Variants in TNFSF4 observed in about 807,000 individuals in gnomAD.
TNFSF4 encodes the protein TNF superfamily member 4, also known as tumor necrosis factor ligand superfamily member 4.
In TNFSF4, 4 loss-of-function variants were observed where a neutral mutation model predicts 7.3. The observed-to-expected ratio is 0.55, with a 90% CI of 0.27 to 1.25. The LOEUF (loss-of-function observed/expected upper bound fraction) is 1.25. TNFSF4 is among the 50% of genes most tolerant of loss of function. The pLI is 0.12. For synonymous variants in TNFSF4, 76 were observed against 83.7 expected (o/e 0.91, Z 0.50); for missense variants, 181 against 208.8 (o/e 0.87, Z 0.82).
the TNFSF4 span, among the ~76,000 whole-genome samples, chr1:173,223,706 C>T: frequency 6.6e-6 from 1 of 152,170 alleles, no homozygotes; most frequent in Non-Finnish European, 1.5e-5. Flanking sequence ...TCTTCCTTTT[C>T]CTAGACATAT....
the TNFSF4 span, among the ~76,000 whole-genome samples, chr1:173,228,813 T>G: frequency 6.6e-4 from 101 of 152,178 alleles, 3 homozygotes; most frequent in South Asian, 0.02. Context: ...TTCAATCAAC[T>G]GGAAGAAAGG....
At chr1:173,347,180 G>A in the TNFSF4 span, among the ~76,000 whole-genome samples, 1 of 152,200 alleles carries the variant, frequency 6.6e-6, no homozygotes, top group Non-Finnish European at 1.5e-5. Context: ...CTATCTCCTT[G>A]AATGATTCCA....
At chr1:173,190,294 G>A (rs1045512443) in intron 1 of TNFSF4, among the ~76,000 whole-genome samples, 2 of 152,168 alleles carry the variant, frequency 1.3e-5, no homozygotes, top group Non-Finnish European at 1.5e-5. Flanking sequence ...ATGTGAAGAC[G>A]GATTTGTTTT....
At chr1:173,211,789 T>C (rs542697231), upstream of TNFSF4, among the ~76,000 whole-genome samples, 15 of 152,206 alleles carry the variant, frequency 9.9e-5, no homozygotes, top group South Asian at 2.1e-4. Context: ...AGATTGTTGA[T>C]AGGATCAGTG....
the TNFSF4 span, among the ~76,000 whole-genome samples, chr1:173,392,630 A>G: frequency 1.3e-5 from 2 of 152,222 alleles, no homozygotes; most frequent in African/African-American, 2.4e-5. Flanking sequence ...AGGAGAATAT[A>G]TATCTTTCTC....
At chr1:173,328,015 A>G in the TNFSF4 span, among the ~76,000 whole-genome samples, 2 of 152,196 alleles carry the variant, frequency 1.3e-5, no homozygotes. Flanking sequence ...TATATACCCA[A>G]AGGATTATAA....
chr1:173,210,668 A>G (rs142467608), upstream of TNFSF4, among the ~76,000 whole-genome samples: 1,234 of 152,290 alleles, frequency 8.1e-3, 16 homozygotes, highest in African/African-American at 0.028. Flanking sequence ...TAGAATTACA[A>G]AAAAAATCAC....
At chr1:173,351,870 C>T in the TNFSF4 span, 2 of 593,618 alleles carry the variant, frequency 3.4e-6, no homozygotes, top group South Asian at 1.8e-5. Flanking sequence ...TGTAGGCATT[C>T]ACCCCAGCAA....
upstream of TNFSF4, among the ~76,000 whole-genome samples, chr1:173,209,822 C>T (rs1435517737): frequency 6.6e-6 from 1 of 152,104 alleles, no homozygotes; most frequent in Non-Finnish European, 1.5e-5. Context: ...CTTAAAGTAT[C>T]TCACAAATAT....
the TNFSF4 span, among the ~76,000 whole-genome samples, chr1:173,264,459 G>A: frequency 6.6e-6 from 1 of 151,722 alleles, no homozygotes; most frequent in African/African-American, 2.4e-5. Context: ...CTGGCCTTGA[G>A]TTCTTATATT....
chr1:173,210,727 G>GT (rs1332600921), upstream of TNFSF4, among the ~76,000 whole-genome samples: 2 of 130,674 alleles, frequency 1.5e-5, no homozygotes, highest in Non-Finnish European at 3.5e-5. Context: ...AATAATTCTA[G>GT]GGGGGGGAAA....
chr1:173,214,203 C>G, the TNFSF4 span, among the ~76,000 whole-genome samples: 1 of 152,296 alleles, frequency 6.6e-6, no homozygotes, highest in South Asian at 2.1e-4. Flanking sequence ...TATTTTCTCC[C>G]CATTTTACAG....
the TNFSF4 span, among the ~76,000 whole-genome samples, chr1:173,442,545 G>GTTTTTTTTTTTTTTTT: frequency 3.5e-4 from 33 of 93,458 alleles, 6 homozygotes; most frequent in South Asian, 1.6e-3. Context: ...TTTCGTTTTT[G>GTTTTTTTTTTTTTTTT]TTTTTGTTTT....
At chr1:173,432,656 C>T in the TNFSF4 span, among the ~76,000 whole-genome samples, 5 of 151,162 alleles carry the variant, frequency 3.3e-5, no homozygotes, top group Admixed American at 1.3e-4. Context: ...CCCAAGCAGA[C>T]TAATAAACAA....
the TNFSF4 span, among the ~76,000 whole-genome samples, chr1:173,223,951 T>A: frequency 6.6e-6 from 1 of 152,162 alleles, no homozygotes. Context: ...GGGGGTTGCC[T>A]AGGGGATGCC....
At chr1:173,440,983 T>C in the TNFSF4 span, among the ~76,000 whole-genome samples, 2 of 152,192 alleles carry the variant, frequency 1.3e-5, no homozygotes, top group Admixed American at 6.5e-5. Flanking sequence ...GTAGAAAATA[T>C]TCTGATTGTC....
the TNFSF4 span, among the ~76,000 whole-genome samples, chr1:173,244,651 C>CAAA: frequency 7.3e-6 from 1 of 137,288 alleles, no homozygotes; most frequent in African/African-American, 2.9e-5. Context: ...CAAAAAAAAA[C>CAAA]AAAAAACAAA....
chr1:173,322,788 G>GCT, the TNFSF4 span, among the ~76,000 whole-genome samples: 1 of 152,094 alleles, frequency 6.6e-6, no homozygotes, highest in African/African-American at 2.4e-5. Context: ...CTCGCTCACT[G>GCT]CTAGCACAGC....
the TNFSF4 span, among the ~76,000 whole-genome samples, chr1:173,425,512 G>A: frequency 6.6e-6 from 1 of 152,166 alleles, no homozygotes; most frequent in Admixed American, 6.5e-5. Context: ...TAAATAATGA[G>A]GTTGAAATCT....
Sources: allele counts gnomAD v4.1 joint callset (sites outside exome capture counted in the v4.1 genomes callset), GRCh38; gene constraint gnomAD v4.1.1; transcripts MANE v1.5; gene names NCBI Gene and HGNC (gene_info 2026-07-23, HGNC 2026-07-21).